The following ZSCAN25 variants were observed in gnomAD, a reference collection of about 807,000 sequenced individuals.
ZSCAN25 encodes zinc finger and SCAN domain containing 25.
In ZSCAN25, 27 loss-of-function variants were observed where a neutral mutation model predicts 38.7. The observed-to-expected ratio is 0.70, with a 90% CI of 0.51 to 0.96. The LOEUF (loss-of-function observed/expected upper bound fraction) is 0.96, where lower values mean the gene tolerates loss of function less well. ZSCAN25 is among the 40% of genes least tolerant of loss of function. The pLI is 0.00. For synonymous variants in ZSCAN25, 273 were observed against 277.7 expected (o/e 0.98, Z 0.17); for missense variants, 637 against 705.9 (o/e 0.90, Z 1.11).
the ZSCAN25 span, among the ~76,000 whole-genome samples, chr7:99,723,872 G>A: frequency 4.6e-5 from 7 of 152,148 alleles, no homozygotes; most frequent in Admixed American, 1.3e-4. Context: ...TCATGGACTC[G>A]GGAACAGTCT....
chr7:99,665,371 A>G, the ZSCAN25 span: 8 of 1,602,270 alleles, frequency 5.0e-6, no homozygotes, highest in South Asian at 1.1e-5. Context: ...TCCTTCCACT[A>G]TACATGCAGC....
the ZSCAN25 span, among the ~76,000 whole-genome samples, chr7:99,680,933 G>A: frequency 6.6e-6 from 1 of 152,196 alleles, no homozygotes; most frequent in Non-Finnish European, 1.5e-5. Context: ...CTGTATTAAA[G>A]CATTCATGAT....
chr7:99,701,929 C>T, the ZSCAN25 span, among the ~76,000 whole-genome samples: 1 of 58,456 alleles, frequency 1.7e-5, no homozygotes, highest in Non-Finnish European at 9.0e-5. Context: ...CTTTGCAGCA[C>T]AGAAACTTTT....
chr7:99,673,721 G>A, the ZSCAN25 span, among the ~76,000 whole-genome samples: 1 of 152,240 alleles, frequency 6.6e-6, no homozygotes, highest in African/African-American at 2.4e-5. Context: ...AATGTGGGAA[G>A]GAGATGATGC....
the ZSCAN25 span, among the ~76,000 whole-genome samples, chr7:99,683,749 C>T: frequency 2.2e-4 from 33 of 152,184 alleles, no homozygotes; most frequent in South Asian, 6.2e-3. Context: ...ACACACAGGC[C>T]GGGCTGTTTC....
chr7:99,707,725 AAGTG>A, the ZSCAN25 span: 33 of 1,572,242 alleles, frequency 2.1e-5, no homozygotes, highest in African/African-American at 4.4e-4. Flanking sequence ...TTAAAAGATT[AAGTG>A]AGTGTATTCT....
the ZSCAN25 span, among the ~76,000 whole-genome samples, chr7:99,656,917 G>C: frequency 3.3e-5 from 5 of 151,972 alleles, no homozygotes; most frequent in South Asian, 2.1e-4. Flanking sequence ...TCTGTGGGAT[G>C]GGTGGTGATA....
chr7:99,706,167 G>A, the ZSCAN25 span, among the ~76,000 whole-genome samples: 1 of 152,182 alleles, frequency 6.6e-6, no homozygotes, highest in Admixed American at 6.5e-5. Context: ...GGTAGTGCAA[G>A]TGGGGAACCT....
At chr7:99,627,857 A>G (rs564218887) in intron 7 of ZSCAN25, among the ~76,000 whole-genome samples, 3 of 152,186 alleles carry the variant, frequency 2.0e-5, no homozygotes, top group South Asian at 4.2e-4. Context: ...TAGTATATAT[A>G]TGCAGGGTAT....
downstream of ZSCAN25, among the ~76,000 whole-genome samples, chr7:99,633,812 C>A (rs781699255): frequency 6.6e-6 from 1 of 152,214 alleles, no homozygotes; most frequent in South Asian, 2.1e-4. Context: ...TCACCTTTGA[C>A]CAGTGGAGGC....
At chr7:99,674,900 C>T in the ZSCAN25 span, among the ~76,000 whole-genome samples, 3 of 152,198 alleles carry the variant, frequency 2.0e-5, no homozygotes, top group Admixed American at 6.5e-5. Context: ...AGTCTCCTAA[C>T]CCCGTGAATG....
chr7:99,623,997 G>A (rs1807232318), intron 6 of ZSCAN25, 60 bp from the exon 7 acceptor site: 1 of 1,610,442 alleles, frequency 6.2e-7, no homozygotes, highest in Non-Finnish European at 8.5e-7. Flanking sequence ...TTACAGACAT[G>A]AGCCACTGTC....
downstream of ZSCAN25, among the ~76,000 whole-genome samples, chr7:99,633,347 C>T (rs149204881): frequency 1.5e-4 from 23 of 152,252 alleles, no homozygotes; most frequent in African/African-American, 4.1e-4. Flanking sequence ...CTGCTTCTTT[C>T]GTTAGTTCTG....
the ZSCAN25 span, among the ~76,000 whole-genome samples, chr7:99,693,261 C>T: frequency 6.6e-6 from 1 of 151,974 alleles, no homozygotes; most frequent in Non-Finnish European, 1.5e-5. Context: ...CATCCTTCCT[C>T]TGGAAGCTTC....
At chr7:99,714,663 GGT>G in the ZSCAN25 span, 1 of 1,612,190 alleles carries the variant, frequency 6.2e-7, no homozygotes, top group African/African-American at 1.3e-5. Context: ...CAAGAATTGG[GGT>G]AAGGAATGGA....
At chr7:99,696,563 C>T in the ZSCAN25 span, among the ~76,000 whole-genome samples, 3,315 of 152,140 alleles carry the variant, frequency 0.022, 87 homozygotes, top group African/African-American at 0.064. Flanking sequence ...GGTTGATTTG[C>T]GCTATTGGGG....
At chr7:99,735,790 A>T in the ZSCAN25 span, among the ~76,000 whole-genome samples, 166 of 152,228 alleles carry the variant, frequency 1.1e-3, no homozygotes, top group Middle Eastern at 6.8e-3. Context: ...TCAAGGGCAT[A>T]GTCTGGTCTT....
the ZSCAN25 span, among the ~76,000 whole-genome samples, chr7:99,726,462 A>T: frequency 2.0e-5 from 3 of 151,744 alleles, no homozygotes; most frequent in African/African-American, 7.3e-5. Context: ...CAACCCGTAC[A>T]CTCTTTTGTT....
the ZSCAN25 span, chr7:99,647,912 C>T: frequency 2.3e-5 from 23 of 982,116 alleles, no homozygotes; most frequent in South Asian, 4.7e-5. Flanking sequence ...ACAAATAAAA[C>T]GTGATATAAA....
Sources: allele counts gnomAD v4.1 joint callset (sites outside exome capture counted in the v4.1 genomes callset), GRCh38; gene constraint gnomAD v4.1.1; transcripts MANE v1.5; gene names NCBI Gene and HGNC (gene_info 2026-07-23, HGNC 2026-07-21).